Variants in MPRIP observed in about 807,000 individuals in gnomAD.
MPRIP encodes the protein myosin phosphatase Rho interacting protein, also known as myosin phosphatase Rho-interacting protein.
MPRIP carries 59 observed loss-of-function variants against 234.9 expected under a neutral mutation model. The observed-to-expected ratio is 0.25, with a 90% confidence interval of 0.20 to 0.31. The LOEUF (loss-of-function observed/expected upper bound fraction) is 0.31. Among genes scored for constraint, MPRIP ranks in the 10% least tolerant of loss-of-function variants. MPRIP has a pLI of 1.00. For synonymous variants in MPRIP, 1,144 were observed against 1,263.9 expected, an observed-to-expected ratio of 0.91 and a Z score of 2.01; for missense variants, 2,436 against 3,071.0, an observed-to-expected ratio of 0.79 and a Z score of 4.89.
chr17:17,183,157 G>A (rs1332443684), intron 23 of MPRIP: 2 of 152,308 alleles, frequency 1.3e-5, no homozygotes, highest in African/African-American at 4.8e-5. Context: ...AACCCTCTCA[G>A]AAACACACAA....
At chr17:17,171,595 C>A in intron 16 of MPRIP, 123 bp from the exon 17 acceptor site, 1 of 1,285,010 alleles carries the variant, frequency 7.8e-7, no homozygotes, top group South Asian at 1.5e-5. Flanking sequence ...GTGGAGCAAG[C>A]TCAGTGAATG....
chr17:17,106,087 C>T (rs181786802), intron 3 of MPRIP, among the ~76,000 whole-genome samples: 4 of 152,252 alleles, frequency 2.6e-5, no homozygotes, highest in Non-Finnish European at 5.9e-5. Context: ...TCTCAGAGCA[C>T]GGCATCTCCA....
At position 17,164,227 on chromosome 17, in the gene MPRIP, A is replaced by G. The variant is rs1036071819; in HGVS notation, c.2636A>G (p.Gln879Arg). Residue 879 changes from glutamine (Q) to arginine (R), a missense_variant, in exon 16 of 24, where the codon CAG (glutamine) becomes CGG (arginine). By Grantham distance (43) the Gln-to-Arg change is conservative. Coordinates refer to ENST00000651222, the MANE Select transcript of MPRIP (RefSeq NM_001364716.4). The stretch of plus-strand genomic sequence containing the variant: ...CAGGAGCTGATTACACACCAGATTC[A>G]GACCCTGAAGCGTAGCTATGGGGAG... ...QRQELITHQIQTLKRSYGEAK... is the reference protein window; with the variant it reads ...QRQELITHQIRTLKRSYGEAK... 7.7e-7 allele frequency: 1 copy of G among 1,304,250 alleles called. No homozygotes were observed. Among genetic ancestry groups the G allele is most frequent in the African/African-American group, 1.5e-5 (1 of 65,884 alleles). The allele number at this position is 1,304,250 out of a possible 1,614,324, so 80.8% of individuals were successfully genotyped here. A position where few individuals can be genotyped will look rare whatever the true frequency, so the allele number is the denominator to read the frequency against.
At chr17:17,131,545 G>A (rs1232511097) in intron 4 of MPRIP, 72 bp from the exon 5 acceptor site, 19 of 1,366,498 alleles carry the variant, frequency 1.4e-5, no homozygotes, top group South Asian at 2.3e-5. Context: ...TGGACCACCC[G>A]GCAAGGGCCA....
intron 11 of MPRIP, chr17:17,149,699 A>T (rs1398632228): frequency 1.1e-4 from 16 of 146,454 alleles, no homozygotes; most frequent in Admixed American, 9.7e-4. Context: ...ATTTATATTA[A>T]TATATATTTT....
intron 1 of MPRIP, among the ~76,000 whole-genome samples, chr17:17,045,432 A>G (rs1657683322): frequency 6.6e-6 from 1 of 152,200 alleles, no homozygotes; most frequent in Non-Finnish European, 1.5e-5. Context: ...CAGCTAATGT[A>G]ACCACTTCCT....
intron 1 of MPRIP, among the ~76,000 whole-genome samples, chr17:17,060,630 G>C (rs1193574575): frequency 6.6e-6 from 1 of 152,210 alleles, no homozygotes; most frequent in Non-Finnish European, 1.5e-5. Flanking sequence ...GTGCAGACCT[G>C]CCCTCGTGCT....
chr17:17,042,826 C>CCGCCGT lies in MPRIP; in HGVS notation c.-17_-12dup, dbSNP rs774499369. 24 of 1,431,154 alleles carry CCGCCGT rather than the reference C, an allele frequency of 1.7e-5. No individual in the cohort carries two copies. The highest frequency in any genetic ancestry group is 2.6e-4 in the Middle Eastern group (1 of 3,862). 88.7% of individuals were successfully genotyped at this position (1,431,154 alleles called of 1,614,324 possible). On this transcript the variant is annotated 5_prime_UTR_variant, in exon 1 of 24. Coordinates refer to ENST00000651222, the MANE Select transcript of MPRIP (RefSeq NM_001364716.4). ...GGCCAGGCCTGCGCCGCCGCCGCCGCCGCCGTCGCCGCCGCGCCGACCATG... is the reference window on the plus strand; with the variant it reads ...GGCCAGGCCTGCGCCGCCGCCGCCGCCGCCGTCGCCGTCGCCGCCGCGCCGACCATG...
chr17:17,170,997 A>C (rs1300000105), intron 16 of MPRIP: 2 of 152,226 alleles, frequency 1.3e-5, no homozygotes, highest in African/African-American at 4.8e-5. Context: ...GTGCTAAGTC[A>C]TTGGTGCCCT....
At chr17:17,047,344 T>C (rs567389980) in intron 1 of MPRIP, among the ~76,000 whole-genome samples, 2 of 152,338 alleles carry the variant, frequency 1.3e-5, no homozygotes, top group South Asian at 4.1e-4. Context: ...CACTTGTCTT[T>C]TTTGTGTGGT....
Position 17,189,841 on chromosome 17 carries a change from G to A in MPRIP, c.*4947G>A, listed in dbSNP as rs1290848022. The A allele has an allele frequency of 6.6e-6, 1 of 152,244 alleles. No individual in the cohort carries two copies. Among genetic ancestry groups the A allele is most frequent in the African/African-American group, 2.4e-5 (1 of 41,462 alleles). 9.4% of individuals were successfully genotyped at this position (152,244 alleles called of 1,614,324 possible). ...TCGTTTCCCCTTCCCTGCAAGCTGGGATCAGCCCTGTGTTTTCTCCTTTCA... is the reference window on the plus strand; with the variant it reads ...TCGTTTCCCCTTCCCTGCAAGCTGGAATCAGCCCTGTGTTTTCTCCTTTCA... On this transcript the variant is annotated 3_prime_UTR_variant, in exon 24 of 24. Coordinates refer to ENST00000651222, the MANE Select transcript of MPRIP (RefSeq NM_001364716.4).
chr17:17,077,268 A>G (rs1460187886), intron 2 of MPRIP: 2 of 152,240 alleles, frequency 1.3e-5, no homozygotes, highest in African/African-American at 2.4e-5. Context: ...ATTATGGACA[A>G]GTCCCTTCTC....
At chr17:17,171,640 C>A (rs1332229171) in intron 16 of MPRIP, 78 bp from the exon 17 acceptor site, 2 of 1,546,394 alleles carry the variant, frequency 1.3e-6, no homozygotes, top group Non-Finnish European at 1.7e-6. Flanking sequence ...GGGTGGGATT[C>A]CTGGCTCCTT....
intron 5 of MPRIP, among the ~76,000 whole-genome samples, chr17:17,134,955 C>G (rs73279625): frequency 0.071 from 10,766 of 152,298 alleles, 432 homozygotes; most frequent in African/African-American, 0.1. Context: ...TCCAAGGGCC[C>G]AAGCCAGAGA....
Position 17,142,765 on chromosome 17 carries a change from G to A in MPRIP, c.1389G>A (p.Arg463=), listed in dbSNP as rs2045357119. The change falls in exon 8 of 24, where the codon CGG becomes CGA. Residue 463 remains arginine (R), a splice_region_variant and synonymous_variant. Coordinates refer to ENST00000651222, the MANE Select transcript of MPRIP (RefSeq NM_001364716.4). The part of the protein sequence containing the change: ...RSEKRAFPRK[R]DFTNEAPPAP... Reference sequence around the variant, plus strand: ...AGAAGAGGGCGTTCCCTAGGAAGCGGGTGAGCTCCTGGGGCTGGGCAGCAC... The same window carrying A: ...AGAAGAGGGCGTTCCCTAGGAAGCGAGTGAGCTCCTGGGGCTGGGCAGCAC... 1.2e-6 allele frequency: 2 copies of A among 1,612,070 alleles called. No individual in the cohort carries two copies. The highest frequency in any genetic ancestry group is 3.3e-5 in the Admixed American group (2 of 59,980).
chr17:17,163,301 C>T (rs1250434390), intron 15 of MPRIP, among the ~76,000 whole-genome samples: 1 of 152,186 alleles, frequency 6.6e-6, no homozygotes, highest in South Asian at 2.1e-4. Context: ...GATTCTTAGG[C>T]TGGGCTCGGC....
intron 4 of MPRIP, among the ~76,000 whole-genome samples, chr17:17,129,496 A>T (rs993822415): frequency 6.6e-6 from 1 of 152,114 alleles, no homozygotes; most frequent in Non-Finnish European, 1.5e-5. Flanking sequence ...CTATTCCTGG[A>T]CCCTGCATCT....
chr17:17,183,463 G>A (rs976152991), intron 23 of MPRIP, among the ~76,000 whole-genome samples: 1 of 152,158 alleles, frequency 6.6e-6, no homozygotes, highest in Admixed American at 6.5e-5. Flanking sequence ...TGATCTGCCC[G>A]CCTCGGCCTC....
chr17:17,151,586 A>G (rs1371479751), intron 12 of MPRIP, among the ~76,000 whole-genome samples: 2 of 151,964 alleles, frequency 1.3e-5, no homozygotes, highest in East Asian at 3.9e-4. Context: ...CCAAACCCCA[A>G]CCCTCTGATT....
Sources: allele counts gnomAD v4.1 joint callset (sites outside exome capture counted in the v4.1 genomes callset), GRCh38; gene constraint gnomAD v4.1.1; transcripts MANE v1.5; gene names NCBI Gene and HGNC (gene_info 2026-07-23, HGNC 2026-07-21).